The following RCC1L variants were observed in gnomAD, a reference collection of about 807,000 sequenced individuals.
RCC1L encodes the protein RCC1 like, also known as RCC1-like G exchanging factor-like protein.
In RCC1L, 46 loss-of-function variants were observed where a neutral mutation model predicts 58.6. The observed-to-expected ratio is 0.79, with a 90% CI of 0.62 to 1.00. The LOEUF is 1.00. Ranked by LOEUF, RCC1L falls within the 50% of genes least tolerant of loss-of-function variation. The probability of loss-of-function intolerance (pLI) is 0.00; values close to 1 mark genes in which losing one functional copy is unlikely to be tolerated. For missense variants in RCC1L, 636 were observed against 623.6 expected (o/e 1.02, Z -0.21); for synonymous variants, 281 against 262.9 (o/e 1.07, Z -0.67).
chr7:75,058,373 C>T (rs1806150493), intron 7 of RCC1L, among the ~76,000 whole-genome samples: 1 of 151,802 alleles, frequency 6.6e-6, no homozygotes, highest in South Asian at 2.1e-4. Context: ...GGATTACAGG[C>T]ATGCACCACC....
intron 10 of RCC1L, among the ~76,000 whole-genome samples, chr7:75,034,475 C>A (rs1400790678): frequency 6.6e-6 from 1 of 152,190 alleles, no homozygotes; most frequent in Non-Finnish European, 1.5e-5. Flanking sequence ...GAGATCGCGC[C>A]ACTGCACTCC....
chr7:75,073,384 A>C, intron 1 of RCC1L, 30 bp downstream of exon 1: 1 of 975,578 alleles, frequency 1.0e-6, no homozygotes, highest in Non-Finnish European at 1.4e-6. Context: ...AAGAGAGAGA[A>C]GGAGAGAAGG....
At position 75,052,793 on chromosome 7, in the gene RCC1L, T is replaced by C. The variant is rs1417057850; in HGVS notation, c.1235A>G (p.Lys412Arg). Residue 412 changes from lysine (K) to arginine (R), a missense_variant, in exon 10 of 11, where the codon AAA (lysine) becomes AGA (arginine). Transcript: ENST00000610322. ...CTTGCCCCATACAAACAGCTCTCCT[T>C]TGTCTGCAAAGGGAGGAAAACAGGG... Reference protein sequence around the residue: ...GLSHFAALTNKGELFVWGKNI... With the variant: ...GLSHFAALTNRGELFVWGKNI... The C allele has an allele frequency of 1.9e-6, 3 of 1,612,522 alleles. No individual in the cohort carries two copies. Among genetic ancestry groups the C allele is most frequent in the Non-Finnish European group, 2.5e-6 (3 of 1,179,502 alleles).
intron 9 of RCC1L, 107 bp downstream of exon 9, chr7:75,055,794 T>C: frequency 7.4e-7 from 1 of 1,355,392 alleles, no homozygotes; most frequent in Non-Finnish European, 1.0e-6. Flanking sequence ...AAAGGCGCCG[T>C]TCTGTTGGAT....
In RCC1L at chr7:75,043,105, G is replaced by A. The variant is rs1248094330; in HGVS notation, c.1322C>T (p.Thr441Met). Reference protein sequence around the residue: ...LEDQYFPWRVTMPGEPVDVAC... With the variant: ...LEDQYFPWRVMMPGEPVDVAC... The stretch of plus-strand genomic sequence containing the variant: ...CACGTCCACAGGCTCCCCAGGCATC[G>A]TCACCTGAAAAATAAGATCCAGCAT... Residue 441 changes from threonine to methionine, a missense_variant, in exon 11 of 11, where the codon ACG (threonine) becomes ATG (methionine). By Grantham distance (81) the Thr-to-Met change is moderately conservative. Coordinates refer to ENST00000610322, the MANE Select transcript of RCC1L (RefSeq NM_030798.5). 14 of 1,613,880 alleles carry A rather than the reference G, an allele frequency of 8.7e-6. No individual in the cohort carries two copies. Among genetic ancestry groups the A allele is most frequent in the Middle Eastern group, 3.3e-4 (2 of 6,068 alleles).
intron 10 of RCC1L, among the ~76,000 whole-genome samples, chr7:75,034,494 C>T (rs1403085110): frequency 3.9e-5 from 6 of 152,184 alleles, no homozygotes; most frequent in Non-Finnish European, 5.9e-5. Flanking sequence ...CCAGCCTGGG[C>T]GACAGAGCGA....
At chr7:75,033,692 CA>C (rs879241870) in intron 10 of RCC1L, among the ~76,000 whole-genome samples, 21,772 of 134,178 alleles carry the variant, frequency 0.16, 1,649 homozygotes, top group South Asian at 0.19. Flanking sequence ...GAGTCTCTAT[CA>C]AAAAAAAAAA....
chr7:75,063,151 T>C lies in RCC1L; in HGVS notation c.702+141A>G, dbSNP rs960048073. On this transcript the variant is annotated intron_variant, in intron 5 of 10. Transcript: ENST00000610322. Reference sequence around the variant, plus strand: ...AGAATCTAGCATAAATCCTGGCCTATAGTAAGTAGGCTACAATTTTTACTA... The same window carrying C: ...AGAATCTAGCATAAATCCTGGCCTACAGTAAGTAGGCTACAATTTTTACTA... The C allele has an allele frequency of 2.0e-5, 19 of 938,964 alleles. No homozygotes were observed. In the East Asian group the frequency reaches 2.8e-4, roughly 14 times the overall value. The allele number at this position is 938,964 out of a possible 1,614,324, so 58.2% of individuals were successfully genotyped here.
chr7:75,030,623 G>A (rs1805276528), intron 10 of RCC1L, among the ~76,000 whole-genome samples: 1 of 152,132 alleles, frequency 6.6e-6, no homozygotes, highest in Non-Finnish European at 1.5e-5. Context: ...TCCTTCCCCA[G>A]GTGGGCCAAC....
intron 10 of RCC1L, among the ~76,000 whole-genome samples, chr7:75,031,369 A>AC (rs1159737984): frequency 5.4e-5 from 8 of 149,290 alleles, no homozygotes; most frequent in South Asian, 2.1e-4. Context: ...TCTTATCCCT[A>AC]CCCCCCCGGG....
chr7:75,066,581 G>A, intron 3 of RCC1L, 83 bp downstream of exon 3: 1 of 1,584,126 alleles, frequency 6.3e-7, no homozygotes, highest in South Asian at 1.1e-5. Flanking sequence ...AATCGATCAA[G>A]CCACTCAGGC....
At chr7:75,067,171 G>A (rs1475658007) in intron 2 of RCC1L, among the ~76,000 whole-genome samples, 1 of 151,992 alleles carries the variant, frequency 6.6e-6, no homozygotes, top group Admixed American at 6.6e-5. Context: ...CATGGTGGCG[G>A]GCGCCTCTAA....
chr7:75,059,348 C>T (rs1208018467), intron 6 of RCC1L, among the ~76,000 whole-genome samples: 2 of 151,684 alleles, frequency 1.3e-5, no homozygotes, highest in African/African-American at 4.8e-5. Flanking sequence ...CTGCAATCTC[C>T]AGCTCCTGGG....
downstream of RCC1L, among the ~76,000 whole-genome samples, chr7:75,037,409 G>A (rs1002119750): frequency 6.6e-6 from 1 of 151,702 alleles, no homozygotes; most frequent in Non-Finnish European, 1.5e-5. Context: ...AGCTGGTCTT[G>A]AACTCCTGAC....
At chr7:75,055,222 G>A (rs996195828) in intron 9 of RCC1L, among the ~76,000 whole-genome samples, 5 of 152,178 alleles carry the variant, frequency 3.3e-5, no homozygotes, top group Non-Finnish European at 1.5e-5. Context: ...TTTACTATTC[G>A]AGTCAACTAA....
In RCC1L at chr7:75,042,280, T is replaced by C. The variant is rs1554442365; in HGVS notation, c.*752A>G. On this transcript the variant is annotated 3_prime_UTR_variant, in exon 11 of 11. Transcript: ENST00000610322. ...CAAGTCACGCTACTAAATCAAACAT[T>C]GTTCACAATTTCTGGATCTTCCTCC... 1 of 985,338 alleles carries C rather than the reference T, an allele frequency of 1.0e-6. No homozygotes were observed. Among genetic ancestry groups the C allele is most frequent in the Non-Finnish European group, 1.2e-6 (1 of 829,952 alleles). The allele number at this position is 985,338 out of a possible 1,614,324, so 61.0% of individuals were successfully genotyped here.
intron 2 of RCC1L, among the ~76,000 whole-genome samples, chr7:75,068,756 A>G (rs1806605868): frequency 6.6e-6 from 1 of 152,226 alleles, no homozygotes; most frequent in African/African-American, 2.4e-5. Flanking sequence ...TATGCTATGT[A>G]TGTAAAAATG....
downstream of RCC1L, among the ~76,000 whole-genome samples, chr7:75,041,716 T>A (rs1554442291): frequency 6.6e-6 from 1 of 151,544 alleles, no homozygotes; most frequent in Non-Finnish European, 1.5e-5. Context: ...GAAAACAAAT[T>A]AGCTGGGTGT....
In RCC1L at chr7:75,072,169, T is replaced by C. The variant is rs1410434192; in HGVS notation, c.324+1245A>G. On this transcript the variant is annotated intron_variant, in intron 1 of 10. Transcript: ENST00000610322. ...ATATACATATACATATACATATATA[T>C]ATATATATATATATATATATATGGA... Among the ~76,000 whole-genome samples, 231 of 79,954 alleles carry C rather than the reference T, an allele frequency of 2.9e-3. 4 individuals carry two copies. The highest frequency in any genetic ancestry group is 0.01 in the African/African-American group (217 of 21,336). 52.5% of individuals were successfully genotyped at this position (79,954 alleles called of 152,430 possible).
Sources: allele counts gnomAD v4.1 joint callset (sites outside exome capture counted in the v4.1 genomes callset), GRCh38; gene constraint gnomAD v4.1.1; transcripts MANE v1.5; gene names NCBI Gene and HGNC (gene_info 2026-07-23, HGNC 2026-07-21).